FGF12: variants seen among roughly 807,000 people sequenced by gnomAD.
The protein encoded by FGF12 is fibroblast growth factor 12B.
FGF12 carries 14 observed loss-of-function variants against 23.6 expected under a neutral mutation model. That is an observed-to-expected ratio of 0.59 (90% CI 0.39 to 0.93). FGF12 has a LOEUF of 0.93. Ranked by LOEUF, FGF12 falls within the 40% of genes least tolerant of loss-of-function variation. The pLI, the probability that FGF12 is intolerant of heterozygous loss-of-function variation, is 0.00. For missense variants in FGF12, 175 were observed against 217.8 expected (o/e 0.80, Z 1.24); for synonymous variants, 62 against 77.3 (o/e 0.80, Z 1.04).
intron 2 of FGF12, among the ~76,000 whole-genome samples, chr3:192,617,724 A>AG (rs1365768110): frequency 6.6e-6 from 1 of 152,110 alleles, no homozygotes; most frequent in Non-Finnish European, 1.5e-5. Context: ...TGATAGTGCT[A>AG]GTCCAACAAC....
intron 2 of FGF12, among the ~76,000 whole-genome samples, chr3:192,610,782 G>A (rs73056410): frequency 0.027 from 4,119 of 151,974 alleles, 115 homozygotes; most frequent in African/African-American, 0.067. Context: ...GCTATTTCTC[G>A]AATATACCAG....
At chr3:192,591,144 G>A (rs975285681) in intron 2 of FGF12, among the ~76,000 whole-genome samples, 1 of 151,310 alleles carries the variant, frequency 6.6e-6, no homozygotes, top group Non-Finnish European at 1.5e-5. Flanking sequence ...TATCTATGGA[G>A]ACCAGGCAAA....
intron 2 of FGF12, among the ~76,000 whole-genome samples, chr3:192,462,939 A>C (rs1722904465): frequency 6.6e-6 from 1 of 152,204 alleles, no homozygotes; most frequent in East Asian, 1.9e-4. Context: ...GGATATTAAA[A>C]ATATGATGTA....
intron 4 of FGF12, among the ~76,000 whole-genome samples, chr3:192,177,605 G>T (rs1715931878): frequency 6.6e-6 from 1 of 152,152 alleles, no homozygotes; most frequent in Admixed American, 6.5e-5. Flanking sequence ...CCTCCTTACT[G>T]CTCTGGCTGA....
intron 2 of FGF12, among the ~76,000 whole-genome samples, chr3:192,595,847 T>A (rs1577070866): frequency 6.6e-6 from 1 of 152,016 alleles, no homozygotes; most frequent in Non-Finnish European, 1.5e-5. Context: ...ATAATCCCAG[T>A]ACTTTGGGAG....
intron 2 of FGF12, among the ~76,000 whole-genome samples, chr3:192,390,805 G>A (rs924218574): frequency 6.6e-6 from 1 of 152,136 alleles, no homozygotes; most frequent in Non-Finnish European, 1.5e-5. Context: ...CAAACAAGAT[G>A]GTCAGTATCA....
chr3:192,628,028 T>C (rs1338017844), intron 2 of FGF12, among the ~76,000 whole-genome samples: 1 of 152,152 alleles, frequency 6.6e-6, no homozygotes, highest in East Asian at 1.9e-4. Context: ...CTCTAACCTC[T>C]GGAAACCACT....
intron 5 of FGF12, among the ~76,000 whole-genome samples, chr3:192,167,271 G>A (rs1202754561): frequency 6.6e-6 from 1 of 151,798 alleles, no homozygotes; most frequent in Admixed American, 6.6e-5. Flanking sequence ...CAGTTACCAT[G>A]GACAACTTGG....
At chr3:192,541,165 G>A (rs1314450623) in intron 2 of FGF12, among the ~76,000 whole-genome samples, 1 of 151,886 alleles carries the variant, frequency 6.6e-6, no homozygotes, top group African/African-American at 2.4e-5. Flanking sequence ...CTGCCATTTT[G>A]TTACTTGTTT....
At chr3:192,723,041 A>G (rs1189242940) in intron 2 of FGF12, among the ~76,000 whole-genome samples, 1 of 152,172 alleles carries the variant, frequency 6.6e-6, no homozygotes, top group Non-Finnish European at 1.5e-5. Context: ...AGGTATGACA[A>G]TAGAAAAGGA....
chr3:192,151,107 GCTCT>G (rs2108586812), intron 5 of FGF12, among the ~76,000 whole-genome samples: 1 of 138,262 alleles, frequency 7.2e-6, no homozygotes, highest in South Asian at 2.4e-4. Flanking sequence ...TCATGATTTG[GCTCT>G]CTGTTTGTCT....
At chr3:192,376,736 A>G (rs1000265775) in intron 2 of FGF12, among the ~76,000 whole-genome samples, 1 of 152,258 alleles carries the variant, frequency 6.6e-6, no homozygotes, top group African/African-American at 2.4e-5. Context: ...TTTCTGCTTC[A>G]TTTAATTAAT....
intron 2 of FGF12, among the ~76,000 whole-genome samples, chr3:192,564,254 G>A (rs1446338349): frequency 6.6e-6 from 1 of 152,020 alleles, no homozygotes; most frequent in African/African-American, 2.4e-5. Context: ...AGTAGAGACG[G>A]GGTTTCTCCA....
chr3:192,460,895 T>C (rs956552395), intron 2 of FGF12, among the ~76,000 whole-genome samples: 2 of 152,164 alleles, frequency 1.3e-5, no homozygotes, highest in Non-Finnish European at 2.9e-5. Context: ...GCATTTTTAA[T>C]TCCTATGTAT....
chr3:192,596,329 G>A (rs1263478191), intron 2 of FGF12, among the ~76,000 whole-genome samples: 1 of 151,886 alleles, frequency 6.6e-6, no homozygotes, highest in African/African-American at 2.4e-5. Flanking sequence ...TGAAGGCAAA[G>A]AAATCCTAGT....
chr3:192,447,626 C>A (rs2108799953), intron 2 of FGF12, among the ~76,000 whole-genome samples: 1 of 152,266 alleles, frequency 6.6e-6, no homozygotes, highest in South Asian at 2.1e-4. Context: ...GTAACCTAAG[C>A]ACTCTTTTCT....
intron 2 of FGF12, among the ~76,000 whole-genome samples, chr3:192,713,564 G>A (rs990630951): frequency 6.6e-6 from 1 of 152,170 alleles, no homozygotes; most frequent in Non-Finnish European, 1.5e-5. Flanking sequence ...ACAGGAGATT[G>A]CAGTGTGTTC....
chr3:192,215,805 A>G (rs1718165640), intron 4 of FGF12, among the ~76,000 whole-genome samples: 1 of 152,188 alleles, frequency 6.6e-6, no homozygotes, highest in Admixed American at 6.5e-5. Flanking sequence ...CTTTGATATA[A>G]TTCTTCAATG....
chr3:192,322,291 A>G (rs901271434), intron 4 of FGF12, among the ~76,000 whole-genome samples: 5 of 152,142 alleles, frequency 3.3e-5, no homozygotes, highest in African/African-American at 1.2e-4. Context: ...AATAAAAACT[A>G]TAAAATATTG....
Sources: gnomAD v4.1 joint callset for allele counts (sites outside exome capture counted in the v4.1 genomes callset) on GRCh38, gnomAD v4.1.1 for gene constraint, MANE v1.5 for transcripts, NCBI Gene and HGNC (gene_info 2026-07-23, HGNC 2026-07-21) for gene names.